NRG1: variants seen among roughly 807,000 people sequenced by gnomAD.
The protein encoded by NRG1 is neuregulin 1, also known as pro-neuregulin-1, membrane-bound isoform.
NRG1 carries 18 observed loss-of-function variants against 63.8 expected under a neutral mutation model. The observed-to-expected ratio is 0.28, with a 90% CI of 0.19 to 0.42. The LOEUF (loss-of-function observed/expected upper bound fraction) is 0.42, where lower values mean the gene tolerates loss of function less well. Among genes scored for constraint, NRG1 ranks in the 10% least tolerant of loss-of-function variants. NRG1 has a pLI of 1.00. For missense variants in NRG1, 762 were observed against 814.7 expected, an observed-to-expected ratio of 0.94 and a Z score of 0.79; for synonymous variants, 302 against 301.3, an observed-to-expected ratio of 1.00 and a Z score of -0.02.
chr8:32,226,697 A>G (rs2132535912), intron 1 of NRG1, among the ~76,000 whole-genome samples: 1 of 152,294 alleles, frequency 6.6e-6, no homozygotes, highest in South Asian at 2.1e-4. Flanking sequence ...ATTTGATTAT[A>G]AAGCTTTTCT....
chr8:32,743,855 G>A (rs969599970), intron 7 of NRG1, among the ~76,000 whole-genome samples: 41 of 151,904 alleles, frequency 2.7e-4, no homozygotes, highest in African/African-American at 9.7e-4. Flanking sequence ...GGTTCAGAGA[G>A]CAAATATTTT....
chr8:32,110,356 A>T (rs1831847786), intron 1 of NRG1, among the ~76,000 whole-genome samples: 1 of 152,132 alleles, frequency 6.6e-6, no homozygotes, highest in Non-Finnish European at 1.5e-5. Flanking sequence ...AGAAGGGGAG[A>T]ATGGAAGGAG....
chr8:31,804,159 C>T (rs774215894), intron 1 of NRG1, among the ~76,000 whole-genome samples: 3 of 152,190 alleles, frequency 2.0e-5, no homozygotes, highest in Middle Eastern at 3.4e-3. Flanking sequence ...TCTCGAGTAA[C>T]CACCAGCAAT....
chr8:32,040,721 T>TATATATATGAAATTTAGGCGC (rs1819830883), intron 1 of NRG1, among the ~76,000 whole-genome samples: 3 of 70,178 alleles, frequency 4.3e-5, no homozygotes, highest in African/African-American at 1.4e-4. Context: ...CATATATATA[T>TATATATATGAAATTTAGGCGC]ATATATATAT....
chr8:31,838,779 A>C (rs979802855), intron 1 of NRG1, among the ~76,000 whole-genome samples: 1 of 152,160 alleles, frequency 6.6e-6, no homozygotes, highest in Non-Finnish European at 1.5e-5. Context: ...TCACTTTAGA[A>C]AAAAAATATT....
At chr8:32,524,285 G>A (rs116598402) in intron 1 of NRG1, among the ~76,000 whole-genome samples, 236 of 152,160 alleles carry the variant, frequency 1.6e-3, no homozygotes, top group African/African-American at 5.5e-3. Flanking sequence ...CTGAGTGGCT[G>A]TGATTTCCCT....
Position 32,589,115 on chromosome 8 carries a change from G to T in NRG1, c.101-6713G>T, listed in dbSNP as rs138865003. On this transcript the variant is annotated intron_variant, in intron 1 of 11. Coordinates refer to ENST00000356819, the Ensembl canonical transcript of NRG1. ...AATACCATTACCACTAGAATGTGCT[G>T]CCTTTTACACAGCTATATTTACACA... is the stretch of plus-strand genomic sequence containing the variant. Among the ~76,000 whole-genome samples, 28 of 152,304 alleles carry T rather than the reference G, an allele frequency of 1.8e-4. 1 individual carries two copies. In the East Asian group the frequency reaches 4.6e-3, roughly 25 times the overall value.
At chr8:32,388,148 A>G (rs185620560) in intron 1 of NRG1, among the ~76,000 whole-genome samples, 53 of 152,294 alleles carry the variant, frequency 3.5e-4, no homozygotes, top group African/African-American at 1.0e-3. Context: ...TGTCTTTGTC[A>G]TAGCAGCCTC....
At chr8:32,559,646 A>G (rs1304800326) in intron 1 of NRG1, among the ~76,000 whole-genome samples, 1 of 152,120 alleles carries the variant, frequency 6.6e-6, no homozygotes, top group Non-Finnish European at 1.5e-5. Flanking sequence ...TACCTTTTAA[A>G]TGGTCAGATA....
intron 1 of NRG1, among the ~76,000 whole-genome samples, chr8:32,420,840 G>A (rs367649882): frequency 2.0e-5 from 3 of 152,222 alleles, no homozygotes; most frequent in East Asian, 1.9e-4. Flanking sequence ...TGTCAAGGGC[G>A]GGACCAGGTT....
intron 1 of NRG1, among the ~76,000 whole-genome samples, chr8:32,052,474 G>T (rs1427118056): frequency 6.6e-6 from 1 of 151,604 alleles, no homozygotes; most frequent in African/African-American, 2.4e-5. Context: ...AAAGACAGGG[G>T]TCTCACGGTG....
At chr8:31,682,890 G>T (rs1808484884) in intron 1 of NRG1, among the ~76,000 whole-genome samples, 1 of 152,110 alleles carries the variant, frequency 6.6e-6, no homozygotes, top group Non-Finnish European at 1.5e-5. Flanking sequence ...AAACAGAATT[G>T]GTGATAATGC....
At chr8:32,684,734 C>T (rs1809624347) in intron 5 of NRG1, among the ~76,000 whole-genome samples, 1 of 151,910 alleles carries the variant, frequency 6.6e-6, no homozygotes, top group African/African-American at 2.4e-5. Context: ...GATTTTTTGA[C>T]AACTCATGTC....
intron 1 of NRG1, among the ~76,000 whole-genome samples, chr8:32,552,351 G>A (rs1290993937): frequency 6.6e-6 from 1 of 151,534 alleles, no homozygotes; most frequent in Non-Finnish European, 1.5e-5. Flanking sequence ...TAAATAACCT[G>A]GGAAAAATTC....
At chr8:32,321,670 C>T (rs1436718165) in intron 1 of NRG1, among the ~76,000 whole-genome samples, 1 of 151,870 alleles carries the variant, frequency 6.6e-6, no homozygotes, top group Non-Finnish European at 1.5e-5. Context: ...ACTTTACAAA[C>T]TGAGTAATCA....
intron 1 of NRG1, among the ~76,000 whole-genome samples, chr8:32,508,274 TAA>T (rs201869066): frequency 0.055 from 8,007 of 145,262 alleles, 283 homozygotes; most frequent in Middle Eastern, 0.086. Flanking sequence ...GCTGTAAACA[TAA>T]GTCCACAATA....
At chr8:31,782,789 A>C (rs750320497) in intron 1 of NRG1, among the ~76,000 whole-genome samples, 1 of 152,198 alleles carries the variant, frequency 6.6e-6, no homozygotes, top group Non-Finnish European at 1.5e-5. Flanking sequence ...ACTGTGATTT[A>C]GTAGTCTAAA....
chr8:31,918,710 G>A (rs192556034), intron 1 of NRG1, among the ~76,000 whole-genome samples: 108 of 152,280 alleles, frequency 7.1e-4, no homozygotes, highest in Middle Eastern at 6.8e-3. Context: ...GATGATGTTG[G>A]CCTCATAAAA....
intron 1 of NRG1, among the ~76,000 whole-genome samples, chr8:32,262,658 A>G (rs148250837): frequency 3.9e-5 from 6 of 152,260 alleles, no homozygotes; most frequent in African/African-American, 1.2e-4. Context: ...TAAGTTTAAT[A>G]GAAAACAATT....
Sources: gnomAD v4.1 joint callset for allele counts (sites outside exome capture counted in the v4.1 genomes callset) on GRCh38, gnomAD v4.1.1 for gene constraint, MANE v1.5 for transcripts, NCBI Gene and HGNC (gene_info 2026-07-23, HGNC 2026-07-21) for gene names.